Variants in USP47 observed in about 807,000 individuals in gnomAD.
USP47 encodes the protein ubiquitin carboxyl-terminal hydrolase 47.
A neutral mutation model predicts 165.1 loss-of-function variants in USP47; 35 were observed. The ratio of observed to expected loss-of-function variants is 0.21; its 90% CI spans 0.16 to 0.28. The LOEUF (loss-of-function observed/expected upper bound fraction) is 0.28, where lower values mean the gene tolerates loss of function less well. USP47 is among the 10% of genes least tolerant of loss of function. The pLI, the probability that USP47 is intolerant of heterozygous loss-of-function variation, is 1.00. For missense variants in USP47, 1,277 were observed against 1,607.4 expected, an observed-to-expected ratio of 0.79 and a Z score of 3.52; for synonymous variants, 531 against 544.5, an observed-to-expected ratio of 0.98 and a Z score of 0.35.
At chr11:11,865,313 T>C (rs1849610064) in intron 1 of USP47, among the ~76,000 whole-genome samples, 1 of 152,204 alleles carries the variant, frequency 6.6e-6, no homozygotes. Context: ...GTTATAGTCC[T>C]ACAGGTGCTT....
chr11:11,950,932 T>A (rs1159146127), intron 24 of USP47: 1 of 153,246 alleles, frequency 6.5e-6, no homozygotes, highest in Non-Finnish European at 1.5e-5. Context: ...TGGCTTATTT[T>A]GTATTGAAGA....
At chr11:11,955,875 AAAT>A (rs1856530412) in intron 27 of USP47, 123 bp from the exon 28 acceptor site, 1 of 773,854 alleles carries the variant, frequency 1.3e-6, no homozygotes, top group Non-Finnish European at 2.0e-6. Context: ...TCAGTATATA[AAAT>A]AATATTACTT....
intron 1 of USP47, among the ~76,000 whole-genome samples, chr11:11,854,917 C>A (rs1301649397): frequency 7.2e-6 from 1 of 138,466 alleles, no homozygotes; most frequent in Non-Finnish European, 1.6e-5. Context: ...CACGGTGAAA[C>A]CCCGTCTCTA....
At chr11:11,953,819 G>T (rs1856376016) in intron 25 of USP47, among the ~76,000 whole-genome samples, 1 of 152,156 alleles carries the variant, frequency 6.6e-6, no homozygotes, top group Non-Finnish European at 1.5e-5. Context: ...AATACCTAGA[G>T]TTCTCAAGGT....
intron 2 of USP47, among the ~76,000 whole-genome samples, chr11:11,881,006 C>A (rs1223249380): frequency 1.3e-5 from 2 of 152,006 alleles, no homozygotes; most frequent in East Asian, 3.9e-4. Flanking sequence ...TAATTTTAGT[C>A]GTCTGTTAAC....
intron 2 of USP47, 57 bp from the exon 3 acceptor site, chr11:11,884,410 A>T: frequency 8.0e-7 from 1 of 1,248,462 alleles, no homozygotes; most frequent in Non-Finnish European, 1.1e-6. Context: ...GTATCTATTT[A>T]CAGATTACTT....
chr11:11,920,464 T>C lies in USP47; in HGVS notation c.1188T>C (p.Asp396=). The C allele has an allele frequency of 6.2e-7, 1 of 1,609,518 alleles. No individual in the cohort carries two copies. Among genetic ancestry groups the C allele is most frequent in the African/African-American group, 1.3e-5 (1 of 74,744 alleles). The change falls in exon 10 of 28, where the codon GAT becomes GAC. Residue 396 remains aspartate, a synonymous_variant. Coordinates refer to ENST00000527733, the MANE Select transcript of USP47 (RefSeq NM_001282659.2). Reference sequence around the variant, plus strand: ...GAATGACATTTCCCGAGGAACTAGATATGAGTACTTTTATTGATGTTGAAG... The same window carrying C: ...GAATGACATTTCCCGAGGAACTAGACATGAGTACTTTTATTGATGTTGAAG... ...NDRMTFPEEL[D]MSTFIDVEDE...
chr11:11,942,130 G>T (rs1233497661), intron 19 of USP47, among the ~76,000 whole-genome samples: 1 of 152,056 alleles, frequency 6.6e-6, no homozygotes, highest in Non-Finnish European at 1.5e-5. Context: ...CTATCTTAGT[G>T]TAGTTTTATG....
chr11:11,875,033 T>TTGTG (rs57342188), intron 1 of USP47, among the ~76,000 whole-genome samples: 2,669 of 95,124 alleles, frequency 0.028, 34 homozygotes, highest in Non-Finnish European at 0.034. Context: ...AATTGACTTA[T>TTGTG]TGTGTGTGTG....
chr11:11,847,826 T>A lies in USP47; in HGVS notation c.39+5602T>A, dbSNP rs114265332. Among the ~76,000 whole-genome samples, 646 of 152,346 alleles carry A rather than the reference T, an allele frequency of 4.2e-3. 8 individuals are homozygous for A. The highest frequency in any genetic ancestry group is 0.014 in the African/African-American group (598 of 41,582). ...AAAACAGATGAGATTAAGATTTACC[T>A]GTTTTAAAGTTTATAATTATTACCC... On this transcript the variant is annotated intron_variant, in intron 1 of 27. Transcript: ENST00000527733.
At chr11:11,938,952 C>T (rs1377475060) in intron 18 of USP47, among the ~76,000 whole-genome samples, 1 of 151,840 alleles carries the variant, frequency 6.6e-6, no homozygotes, top group East Asian at 1.9e-4. Flanking sequence ...GGGTTTCAAA[C>T]TTGGGTAACC....
chr11:11,894,831 C>G (rs1191274197), intron 4 of USP47, among the ~76,000 whole-genome samples: 7 of 152,100 alleles, frequency 4.6e-5, no homozygotes, highest in Non-Finnish European at 1.0e-4. Context: ...CATTGTCTTA[C>G]TATAAAATAA....
chr11:11,865,233 A>C (rs1430120270), intron 1 of USP47, among the ~76,000 whole-genome samples: 2 of 152,086 alleles, frequency 1.3e-5, no homozygotes, highest in African/African-American at 4.8e-5. Flanking sequence ...TATTTCTTTG[A>C]GTACTTTTTA....
chr11:11,892,430 G>T (rs1851589982), intron 4 of USP47, among the ~76,000 whole-genome samples: 1 of 132,078 alleles, frequency 7.6e-6, no homozygotes, highest in Non-Finnish European at 1.5e-5. Context: ...TGCCCAAGCT[G>T]GAGCACAGAA....
chr11:11,924,546 A>T (rs1355917777), intron 11 of USP47, among the ~76,000 whole-genome samples: 1 of 152,120 alleles, frequency 6.6e-6, no homozygotes, highest in African/African-American at 2.4e-5. Flanking sequence ...TGTTTCTTAA[A>T]TATTTGGTAG....
intron 1 of USP47, among the ~76,000 whole-genome samples, chr11:11,877,813 G>T (rs1009961535): frequency 5.7e-5 from 1 of 17,554 alleles, no homozygotes; most frequent in East Asian, 1.5e-3. Flanking sequence ...CTCTGTGTGT[G>T]TGTGTGTGTG....
rs368148783 is a variant in USP47, at chr11:11,956,959, A to C, written c.*784A>C. On this transcript the variant is annotated 3_prime_UTR_variant, in exon 28 of 28. Transcript: ENST00000527733. ...GAGTTATCATAATTGCAGTTCAACT[A>C]TCTGCCATGATTATTCTTTTCACGT... The C allele has an allele frequency of 5.3e-5, 8 of 152,236 alleles. No homozygotes were observed. Among genetic ancestry groups the C allele is most frequent in the African/African-American group, 1.9e-4 (8 of 41,468 alleles). The allele number at this position is 152,236 out of a possible 1,614,324, so 9.4% of individuals were successfully genotyped here. A position where few individuals can be genotyped will look rare whatever the true frequency, so the allele number is the denominator to read the frequency against.
rs541556667 is a variant in USP47, at chr11:11,902,597, T to C, written c.594-118T>C. On this transcript the variant is annotated intron_variant, in intron 5 of 27. Coordinates refer to ENST00000527733, the MANE Select transcript of USP47 (RefSeq NM_001282659.2). ...AGATATTATTAGTTTCAATTAGCAT[T>C]CAAACTCTGTATAGCTTCCAGGATT... 1.2e-5 allele frequency: 9 copies of C among 722,700 alleles called. No homozygotes were observed. The African/African-American group carries it at 1.7e-4, about 13-fold the overall frequency. 44.8% of individuals were successfully genotyped at this position (722,700 alleles called of 1,614,324 possible). A position where few individuals can be genotyped will look rare whatever the true frequency, so the allele number is the denominator to read the frequency against.
At position 11,938,296 on chromosome 11, in the gene USP47, A is replaced by C. The variant is rs534107988; in HGVS notation, c.2117A>C (p.Glu706Ala). 4 of 1,612,298 alleles carry C rather than the reference A, an allele frequency of 2.5e-6. No individual in the cohort carries two copies. In the African/African-American group the frequency reaches 5.3e-5, roughly 22 times the overall value. ...GTTCATGTTGTTGATCTAAAGGCAG[A>C]ATCTGTAGCTGCTCCTATAACTGTT... The part of the protein sequence containing the change: ...VKVHVVDLKA[E>A]SVAAPITVRA... The change falls in exon 18 of 28, where the codon GAA becomes GCA. Residue 706 changes from glutamate (E) to alanine (A), a missense_variant. Physicochemically the swap from Glu to Ala is moderately radical, Grantham distance 107. This residue lies in a region of USP47 where 909 missense variants were observed against 1,068.1 expected (regional missense o/e 0.85). Coordinates refer to ENST00000527733, the MANE Select transcript of USP47 (RefSeq NM_001282659.2).
Sources: gnomAD v4.1 joint callset for allele counts (sites outside exome capture counted in the v4.1 genomes callset) on GRCh38, gnomAD v4.1.1 for gene constraint, gnomAD v4.1.1 regional missense constraint, MANE v1.5 for transcripts, NCBI Gene and HGNC (gene_info 2026-07-23, HGNC 2026-07-21) for gene names.